The following PAK4 variants were observed in gnomAD, a reference collection of about 807,000 sequenced individuals.
PAK4 encodes the protein serine/threonine-protein kinase PAK 4.
In PAK4, 49 loss-of-function variants were observed where a neutral mutation model predicts 53.5. The ratio of observed to expected loss-of-function variants is 0.92; its 90% CI spans 0.73 to 1.16. The LOEUF (loss-of-function observed/expected upper bound fraction) is 1.16, where lower values mean the gene tolerates loss of function less well. Ranked by LOEUF, PAK4 falls within the 50% of genes most tolerant of loss-of-function variation. The probability of loss-of-function intolerance (pLI) is 0.00; values close to 1 mark genes in which losing one functional copy is unlikely to be tolerated. For synonymous variants in PAK4, 376 were observed against 375.6 expected (o/e 1.00, Z -0.01); for missense variants, 824 against 850.7 (o/e 0.97, Z 0.39).
At chr19:39,159,536 C>G (rs1214976359) in intron 1 of PAK4, among the ~76,000 whole-genome samples, 1 of 152,150 alleles carries the variant, frequency 6.6e-6, no homozygotes, top group Non-Finnish European at 1.5e-5. Context: ...GAGGCACATG[C>G]CACCACGCCC....
chr19:39,159,044 T>C (rs1207125338), intron 1 of PAK4, among the ~76,000 whole-genome samples: 2 of 152,204 alleles, frequency 1.3e-5, no homozygotes, highest in Non-Finnish European at 2.9e-5. Context: ...TGTCGTCTTA[T>C]TCGCTCGTCC....
At chr19:39,169,509 C>T (rs2074435311) in intron 1 of PAK4, 23 bp from the exon 3 acceptor site, 2 of 1,540,554 alleles carry the variant, frequency 1.3e-6, no homozygotes, top group Non-Finnish European at 9.0e-7. Flanking sequence ...CTCTCACTCA[C>T]CCACCGTGAT....
At chr19:39,163,941 C>G (rs1204587192) in intron 1 of PAK4, among the ~76,000 whole-genome samples, 1 of 152,202 alleles carries the variant, frequency 6.6e-6, no homozygotes, top group African/African-American at 2.4e-5. Context: ...AGTCCCTGCC[C>G]TGTGAAGCTG....
intron 7 of PAK4, among the ~76,000 whole-genome samples, chr19:39,177,113 C>T (rs1006318405): frequency 7.2e-5 from 11 of 152,134 alleles, no homozygotes; most frequent in South Asian, 2.1e-4. Context: ...GTGATCTATC[C>T]GCCTTGGCCT....
At chr19:39,137,307 G>C (rs1412079883) in intron 1 of PAK4, among the ~76,000 whole-genome samples, 1 of 152,098 alleles carries the variant, frequency 6.6e-6, no homozygotes, top group Non-Finnish European at 1.5e-5. Context: ...GAGAAGGCCT[G>C]GTGTGACCTT....
At chr19:39,182,133 C>T (rs1457204892), downstream of PAK4, 1 of 152,224 alleles carries the variant, frequency 6.6e-6, no homozygotes, top group East Asian at 1.9e-4. Context: ...GACTCCAAGT[C>T]ATCAGCACCC....
At chr19:39,170,315 G>A (rs568012914) in intron 2 of PAK4, among the ~76,000 whole-genome samples, 56 of 152,276 alleles carry the variant, frequency 3.7e-4, no homozygotes, top group African/African-American at 1.3e-3. Flanking sequence ...GGCTTTAGTG[G>A]AGAAAATCAC....
rs750102445 is a variant in PAK4 at position 39,173,098 on chromosome 19, C to T, written c.385C>T (p.Pro129Ser). The change falls in exon 3 of 9, where the codon CCA becomes TCA. Residue 129 changes from proline to serine, a missense_variant. Around this residue, in one of 2 missense-constraint regions of PAK4, gnomAD observed 478 missense variants for 435.8 expected, o/e 1.10. Transcript: ENST00000358301. This position sits in a 1 kb window ranked among gnomAD's most constrained non-coding sequence, Gnocchi z 6.9. The stretch of plus-strand genomic sequence containing the variant: ...GCCGGCCACCACGGCCAGAGGGGGC[C>T]CAGGGAAGGCAGGCAGCCGAGGCCG... 4 of 1,548,076 alleles carry T rather than the reference C, an allele frequency of 2.6e-6. No individual in the cohort carries two copies. Among genetic ancestry groups the T allele is most frequent in the Non-Finnish European group, 3.5e-6 (4 of 1,146,206 alleles).
intron 1 of PAK4, among the ~76,000 whole-genome samples, chr19:39,166,454 A>G (rs2074377914): frequency 6.6e-6 from 1 of 152,246 alleles, no homozygotes; most frequent in Non-Finnish European, 1.5e-5. Flanking sequence ...AAATAAATAA[A>G]TAAATACTCC....
In PAK4 at chr19:39,172,911, A is replaced by T; in HGVS notation, c.205-7A>T. The T allele has an allele frequency of 6.6e-7, 1 of 1,520,674 alleles. No homozygotes were observed. The highest frequency in any genetic ancestry group is 8.9e-7 in the Non-Finnish European group (1 of 1,126,614). The allele number at this position is 1,520,674 out of a possible 1,614,324, so 94.2% of individuals were successfully genotyped here. ...GGGCCCCCACCCACCATTGCCTGGG[A>T]CCCCAGACCATCGTGCGGGGCAGCA... On this transcript the variant is annotated splice_polypyrimidine_tract_variant and splice_region_variant and intron_variant, in intron 2 of 8. Coordinates refer to ENST00000358301, the Ensembl canonical transcript of PAK4.
At chr19:39,144,076 C>T (rs537902183) in intron 1 of PAK4, among the ~76,000 whole-genome samples, 2 of 151,764 alleles carry the variant, frequency 1.3e-5, no homozygotes, top group East Asian at 1.9e-4. Flanking sequence ...TAAGATAGAG[C>T]GAGCAAGACC....
intron 1 of PAK4, among the ~76,000 whole-genome samples, chr19:39,158,090 ATG>A (rs772310498): frequency 1.2e-3 from 185 of 148,540 alleles, no homozygotes; most frequent in Admixed American, 1.5e-3. Flanking sequence ...GTGTGTGTGC[ATG>A]TGTGTGCATG....
At chr19:39,167,549 C>G (rs1487844004) in intron 1 of PAK4, among the ~76,000 whole-genome samples, 1 of 151,974 alleles carries the variant, frequency 6.6e-6, no homozygotes, top group Non-Finnish European at 1.5e-5. Flanking sequence ...AAGGAGGCCC[C>G]CCGTCCGCCC....
intron 1 of PAK4, among the ~76,000 whole-genome samples, chr19:39,147,848 T>TG (rs2074026704): frequency 6.8e-6 from 1 of 147,198 alleles, no homozygotes; most frequent in Non-Finnish European, 1.5e-5. Flanking sequence ...CGGGTTTTTT[T>TG]TTTTTTTTTT....
intron 6 of PAK4, 83 bp from the exon 8 acceptor site, chr19:39,176,507 C>G: frequency 6.3e-7 from 1 of 1,578,862 alleles, no homozygotes; most frequent in Non-Finnish European, 8.7e-7. Context: ...TGTCTGAAGC[C>G]AAGGAATGAC....
At chr19:39,163,211 C>T (rs2074313100) in intron 1 of PAK4, among the ~76,000 whole-genome samples, 1 of 152,070 alleles carries the variant, frequency 6.6e-6, no homozygotes, top group South Asian at 2.1e-4. Context: ...TGGTGGAAGG[C>T]TGAGTGCAGG....
intron 1 of PAK4, among the ~76,000 whole-genome samples, chr19:39,132,296 T>C (rs1173861892): frequency 2.0e-5 from 3 of 152,222 alleles, no homozygotes; most frequent in African/African-American, 7.2e-5. Flanking sequence ...CACAAAAGGA[T>C]GTACAGGGAC....
At chr19:39,182,462 G>A (rs1020229563), downstream of PAK4, 2 of 152,254 alleles carry the variant, frequency 1.3e-5, no homozygotes, top group Non-Finnish European at 2.9e-5. Context: ...TGACAGAACA[G>A]AGAACCCAGA....
intron 1 of PAK4, among the ~76,000 whole-genome samples, chr19:39,148,202 T>C (rs1276201962): frequency 6.6e-6 from 1 of 151,900 alleles, no homozygotes; most frequent in Non-Finnish European, 1.5e-5. Context: ...TCCGCCTGCC[T>C]CGGCCTCCCA....
Sources: gnomAD v4.1 joint callset for allele counts (sites outside exome capture counted in the v4.1 genomes callset) on GRCh38, gnomAD v4.1.1 for gene constraint, gnomAD v4.1.1 regional missense constraint, Gnocchi (gnomAD v3.1) non-coding constraint, MANE v1.5 for transcripts, NCBI Gene and HGNC (gene_info 2026-07-23, HGNC 2026-07-21) for gene names.